Variants in KCND2 observed in about 807,000 individuals in gnomAD.
The protein encoded by KCND2 is A-type voltage-gated potassium channel KCND2.
KCND2 carries 16 observed loss-of-function variants against 54.4 expected under a neutral mutation model. The observed-to-expected ratio is 0.29, with a 90% confidence interval of 0.20 to 0.45. The LOEUF is 0.45. KCND2 is among the 20% of genes least tolerant of loss of function. KCND2 has a pLI of 1.00. For synonymous variants in KCND2, 317 were observed against 310.7 expected (o/e 1.02, Z -0.21); for missense variants, 486 against 824.2 (o/e 0.59, Z 5.02).
intron 1 of KCND2, among the ~76,000 whole-genome samples, chr7:120,276,867 A>G (rs1799184368): frequency 6.6e-6 from 1 of 152,092 alleles, no homozygotes; most frequent in African/African-American, 2.4e-5. Flanking sequence ...CTGGGGAGTG[A>G]TGTGAGTGCC....
intron 1 of KCND2, among the ~76,000 whole-genome samples, chr7:120,455,647 C>A (rs1311579548): frequency 6.6e-6 from 1 of 152,126 alleles, no homozygotes; most frequent in Non-Finnish European, 1.5e-5. Flanking sequence ...AAATACTACA[C>A]AGACATAAAA....
chr7:120,411,922 T>C (rs867540093), intron 1 of KCND2, among the ~76,000 whole-genome samples: 1 of 151,976 alleles, frequency 6.6e-6, no homozygotes. Flanking sequence ...ATGTACCTAA[T>C]TGCATCTTTC....
At chr7:120,718,046 T>C (rs902907102) in intron 1 of KCND2, among the ~76,000 whole-genome samples, 9 of 152,062 alleles carry the variant, frequency 5.9e-5, no homozygotes, top group Non-Finnish European at 1.0e-4. Context: ...CCTTTCATCT[T>C]CTGTCCACCT....
Position 120,663,949 on chromosome 7 carries a change from A to G in KCND2, c.1116-68954A>G, listed in dbSNP as rs541311310. 1.2e-4 allele frequency among the ~76,000 whole-genome samples: 19 copies of G among 152,292 alleles called. 1 individual carries two copies. Among genetic ancestry groups the G allele is most frequent in the African/African-American group, 3.6e-4 (15 of 41,574 alleles). ...TCAATTATAGTTCCAGGATATTTGC[A>G]TAGGAGAAAAGAGGTCTAAGCATGT... On this transcript the variant is annotated intron_variant, in intron 1 of 5. Coordinates refer to ENST00000331113, the MANE Select transcript of KCND2 (RefSeq NM_012281.3).
At chr7:120,574,961 T>G (rs1334733082) in intron 1 of KCND2, among the ~76,000 whole-genome samples, 1 of 152,076 alleles carries the variant, frequency 6.6e-6, no homozygotes, top group East Asian at 1.9e-4. Context: ...TGATCCTTAA[T>G]GTGAGGACAA....
At chr7:120,670,243 C>T (rs1236703917) in intron 1 of KCND2, among the ~76,000 whole-genome samples, 1 of 152,070 alleles carries the variant, frequency 6.6e-6, no homozygotes, top group African/African-American at 2.4e-5. Context: ...ACCAGCGTAT[C>T]ATTTTTTCAG....
chr7:120,426,063 T>C (rs901641196), intron 1 of KCND2, among the ~76,000 whole-genome samples: 8 of 152,116 alleles, frequency 5.3e-5, no homozygotes, highest in Non-Finnish European at 1.0e-4. Flanking sequence ...CAATAATTAA[T>C]TGTATTTTTA....
intron 1 of KCND2, among the ~76,000 whole-genome samples, chr7:120,295,347 AACACACACACACAC>A (rs56748699): frequency 0.11 from 15,282 of 141,456 alleles, 1,497 homozygotes; most frequent in East Asian, 0.53. Context: ...GTCATAGAGT[AACACACACACACAC>A]ACACACACAC....
rs1799128972 is a variant in KCND2 at position 120,273,972 on chromosome 7, C to G, written c.-661C>G. On this transcript the variant is annotated 5_prime_UTR_variant, in exon 1 of 6. Coordinates refer to ENST00000331113, the MANE Select transcript of KCND2 (RefSeq NM_012281.3). ...GGGGAGGAGAATCTCTATTAACGCC[C>G]CCCACCGTAACCACTGCACATCACC... is the stretch of plus-strand genomic sequence containing the variant. 1 of 153,838 alleles carries G rather than the reference C, an allele frequency of 6.5e-6. No homozygotes were observed. The highest frequency in any genetic ancestry group is 1.5e-5 in the Non-Finnish European group (1 of 68,956). 9.5% of individuals were successfully genotyped at this position (153,838 alleles called of 1,614,324 possible).
intron 1 of KCND2, among the ~76,000 whole-genome samples, chr7:120,698,044 T>C (rs1033198615): frequency 2.1e-5 from 3 of 145,788 alleles, no homozygotes; most frequent in African/African-American, 7.9e-5. Context: ...TTTTTTTTTT[T>C]TGGCTTGTTG....
intron 1 of KCND2, among the ~76,000 whole-genome samples, chr7:120,435,314 C>A (rs2116176615): frequency 1.4e-5 from 2 of 145,726 alleles, no homozygotes; most frequent in Middle Eastern, 7.0e-3. Context: ...AGGGTTTCAA[C>A]AAGTTGGCCA....
chr7:120,730,678 CA>C (rs1460878425), intron 1 of KCND2, among the ~76,000 whole-genome samples: 2 of 152,138 alleles, frequency 1.3e-5, no homozygotes, highest in Non-Finnish European at 2.9e-5. Context: ...TGATCACCCA[CA>C]AACACCAACA....
At chr7:120,746,050 GT>G in intron 5 of KCND2, 23 bp downstream of exon 5, 1 of 1,610,328 alleles carries the variant, frequency 6.2e-7, no homozygotes, top group Non-Finnish European at 8.5e-7. Context: ...AATCTGTGTT[GT>G]CTACACACCT....
At chr7:120,334,450 A>G (rs1377208134) in intron 1 of KCND2, among the ~76,000 whole-genome samples, 1 of 152,172 alleles carries the variant, frequency 6.6e-6, no homozygotes, top group Non-Finnish European at 1.5e-5. Flanking sequence ...TAGATCCTCT[A>G]TGTTTCTGCA....
intron 1 of KCND2, among the ~76,000 whole-genome samples, chr7:120,373,209 A>T (rs934353701): frequency 6.6e-6 from 1 of 151,814 alleles, no homozygotes; most frequent in African/African-American, 2.4e-5. Flanking sequence ...CTCTGATCTA[A>T]GGCTAGATTT....
intron 1 of KCND2, among the ~76,000 whole-genome samples, chr7:120,731,717 C>T (rs1164992729): frequency 2.0e-5 from 3 of 152,180 alleles, no homozygotes; most frequent in African/African-American, 4.8e-5. Context: ...ATATCTATGG[C>T]TCTGGCAAGA....
At chr7:120,356,898 T>TGG (rs1800513794) in intron 1 of KCND2, among the ~76,000 whole-genome samples, 2 of 152,148 alleles carry the variant, frequency 1.3e-5, no homozygotes, top group Non-Finnish European at 2.9e-5. Context: ...CTGGTTAGCG[T>TGG]TACTGGGGTT....
intron 1 of KCND2, among the ~76,000 whole-genome samples, chr7:120,357,678 C>T (rs1800525753): frequency 6.6e-6 from 1 of 151,236 alleles, no homozygotes; most frequent in South Asian, 2.1e-4. Flanking sequence ...AACCAGATGA[C>T]TTAAACAAAA....
At chr7:120,736,747 G>A (rs942117426) in intron 2 of KCND2, among the ~76,000 whole-genome samples, 1 of 151,764 alleles carries the variant, frequency 6.6e-6, no homozygotes, top group Non-Finnish European at 1.5e-5. Context: ...TGCAAAGGAA[G>A]TATACTATTT....
Sources: allele counts gnomAD v4.1 joint callset (sites outside exome capture counted in the v4.1 genomes callset), GRCh38; gene constraint gnomAD v4.1.1; transcripts MANE v1.5; gene names NCBI Gene and HGNC (gene_info 2026-07-23, HGNC 2026-07-21).